SORT1: variants seen among roughly 807,000 people sequenced by gnomAD.
The protein encoded by SORT1 is sortilin.
In SORT1, 39 loss-of-function variants were observed where a neutral mutation model predicts 101.7. That is an observed-to-expected ratio of 0.38 (90% CI 0.30 to 0.50). The LOEUF is 0.50. Ranked by LOEUF, SORT1 falls within the 20% of genes least tolerant of loss-of-function variation. The pLI, the probability that SORT1 is intolerant of heterozygous loss-of-function variation, is 0.90. For missense variants in SORT1, 878 were observed against 1,040.4 expected (o/e 0.84, Z 2.15); for synonymous variants, 396 against 393.7 (o/e 1.01, Z -0.07).
chr1:109,366,796 T>C (rs1173275797), intron 3 of SORT1: 2 of 151,964 alleles, frequency 1.3e-5, no homozygotes, highest in African/African-American at 2.4e-5. Context: ...TGCCAGCCAC[T>C]TGGGAGGCTG....
chr1:109,356,293 T>G (rs1264267008), intron 3 of SORT1, among the ~76,000 whole-genome samples: 5 of 152,140 alleles, frequency 3.3e-5, no homozygotes, highest in Non-Finnish European at 7.4e-5. Flanking sequence ...TAATAAAGAA[T>G]TACCTGGCCC....
intron 11 of SORT1, among the ~76,000 whole-genome samples, chr1:109,329,062 C>T (rs1648275554): frequency 6.6e-6 from 1 of 152,224 alleles, no homozygotes; most frequent in African/African-American, 2.4e-5. Context: ...GACCAAGGCA[C>T]CAGGCCCACC....
At chr1:109,314,524 A>T in intron 18 of SORT1, 140 bp from the exon 19 acceptor site, 1 of 1,196,026 alleles carries the variant, frequency 8.4e-7, no homozygotes, top group Non-Finnish European at 1.2e-6. Flanking sequence ...ACATATGAAA[A>T]ATGTACGACA....
intron 7 of SORT1, among the ~76,000 whole-genome samples, chr1:109,346,744 CAAAA>C (rs1035471524): frequency 6.4e-5 from 3 of 46,732 alleles, no homozygotes; most frequent in East Asian, 7.2e-4. Flanking sequence ...GACTCCGTCT[CAAAA>C]AAAAAAAAAA....
In SORT1 at chr1:109,397,640, C is replaced by T. The variant is rs1197938689; in HGVS notation, c.253G>A (p.Glu85Lys). 7.9e-7 allele frequency: 1 copy of T among 1,264,048 alleles called. No homozygotes were observed. The highest frequency in any genetic ancestry group is 3.3e-5 in the Admixed American group (1 of 29,988). The allele number at this position is 1,264,048 out of a possible 1,614,324, so 78.3% of individuals were successfully genotyped here. A position where few individuals can be genotyped will look rare whatever the true frequency, so the allele number is the denominator to read the frequency against. Residue 85 changes from glutamate to lysine, a missense_variant, in exon 1 of 20, where the codon GAG (glutamate) becomes AAG (lysine). Glu to Lys is a moderately conservative substitution (Grantham distance 56, BLOSUM62 1). Transcript: ENST00000256637. ...ACGAAGTCCCGGACCCGGCCGCACT[C>T]CTCGTCCTCGCCCGGCGCGCTGCGA... ...WRRSAPGEDE[E>K]CGRVRDFVAK...
At chr1:109,374,839 G>A (rs974134849) in intron 1 of SORT1, among the ~76,000 whole-genome samples, 1 of 151,984 alleles carries the variant, frequency 6.6e-6, no homozygotes, top group Admixed American at 6.6e-5. Flanking sequence ...TACACCTGTA[G>A]TCCCAGCTAC....
At chr1:109,322,457 C>G (rs758901405) in intron 15 of SORT1, among the ~76,000 whole-genome samples, 33 of 152,172 alleles carry the variant, frequency 2.2e-4, no homozygotes, top group Non-Finnish European at 4.3e-4. Context: ...TCATTATTAA[C>G]AATTCTGGTT....
intron 1 of SORT1, among the ~76,000 whole-genome samples, chr1:109,393,585 G>C (rs1026850056): frequency 1.3e-5 from 2 of 152,124 alleles, no homozygotes; most frequent in Non-Finnish European, 2.9e-5. Context: ...ATGTACAAAG[G>C]TTATACATGT....
At position 109,314,319 on chromosome 1, in the gene SORT1, T is replaced by A. The variant is rs1658907950; in HGVS notation, c.2423A>T (p.Asp808Val). The A allele has an allele frequency of 1.2e-6, 2 of 1,613,426 alleles. No individual in the cohort carries two copies. Among genetic ancestry groups the A allele is most frequent in the Non-Finnish European group, 1.7e-6 (2 of 1,179,686 alleles). The change falls in exon 19 of 20, where the codon GAT becomes GTT. Residue 808 changes from aspartate (D) to valine (V), a missense_variant. Physicochemically the swap from Asp to Val is radical, Grantham distance 152 (BLOSUM62 -3). Around this residue, in one of 2 missense-constraint regions of SORT1, gnomAD observed 684 missense variants for 894.5 expected, o/e 0.76. Coordinates refer to ENST00000256637, the MANE Select transcript of SORT1 (RefSeq NM_002959.7). ...AGTGTGGGAGGCTGTGTCCAAAGCA[T>A]CCACACCATCCACACCATTGGCCTC... Reference protein sequence around the residue: ...HAEANGVDGVDALDTASHTNK... With the variant: ...HAEANGVDGVVALDTASHTNK...
At chr1:109,349,957 T>C (rs1649853334) in intron 6 of SORT1, among the ~76,000 whole-genome samples, 1 of 152,210 alleles carries the variant, frequency 6.6e-6, no homozygotes, top group African/African-American at 2.4e-5. Context: ...AACACAGTGT[T>C]CCCATTAGAA....
chr1:109,325,368 A>C (rs905369086), intron 13 of SORT1, among the ~76,000 whole-genome samples: 9 of 149,542 alleles, frequency 6.0e-5, no homozygotes, highest in African/African-American at 2.2e-4. Flanking sequence ...CAGCCTCCTG[A>C]GTAGCTGGGA....
chr1:109,391,673 AACATTCATTC>A (rs1652923256), intron 1 of SORT1, among the ~76,000 whole-genome samples: 1 of 152,192 alleles, frequency 6.6e-6, no homozygotes, highest in Non-Finnish European at 1.5e-5. Context: ...ATCTGTCATG[AACATTCATTC>A]AACCAAACTA....
chr1:109,313,910 GCT>G lies in SORT1; in HGVS notation c.*131_*132del. 1.3e-6 allele frequency: 1 copy of G among 750,560 alleles called. No individual in the cohort carries two copies. Among genetic ancestry groups the G allele is most frequent in the East Asian group, 2.7e-5 (1 of 36,370 alleles). The allele number at this position is 750,560 out of a possible 1,614,324, so 46.5% of individuals were successfully genotyped here. On this transcript the variant is annotated 3_prime_UTR_variant, in exon 20 of 20. Coordinates refer to ENST00000256637, the MANE Select transcript of SORT1 (RefSeq NM_002959.7). ...CATTTCTTTAGTGTAGGTCCTTTTG[GCT>G]TTGATGGAAGCAGCAGAAACAGAGC...
intron 1 of SORT1, among the ~76,000 whole-genome samples, chr1:109,372,469 G>A (rs142668121): frequency 9.2e-5 from 14 of 152,168 alleles, no homozygotes; most frequent in African/African-American, 3.4e-4. Context: ...AAAGGATAAG[G>A]CCAGGCCCAC....
At chr1:109,346,470 G>A (rs1289706845) in intron 7 of SORT1, among the ~76,000 whole-genome samples, 9 of 151,858 alleles carry the variant, frequency 5.9e-5, no homozygotes, top group Admixed American at 5.2e-4. Context: ...CAGCAGACGG[G>A]TGCGGTGGCT....
intron 11 of SORT1, among the ~76,000 whole-genome samples, chr1:109,331,932 G>GA (rs1340088899): frequency 3.3e-5 from 3 of 90,844 alleles, no homozygotes; most frequent in Non-Finnish European, 4.6e-5. Flanking sequence ...AATAGTACAA[G>GA]AAAAAAACTT....
chr1:109,380,383 C>T (rs760227705), intron 1 of SORT1, among the ~76,000 whole-genome samples: 3 of 151,858 alleles, frequency 2.0e-5, no homozygotes, highest in Non-Finnish European at 4.4e-5. Flanking sequence ...AGAACTCATA[C>T]TTAAGGATTT....
chr1:109,325,253 T>G (rs986688696), intron 13 of SORT1, among the ~76,000 whole-genome samples, 164 bp from the exon 14 acceptor site: 1 of 148,470 alleles, frequency 6.7e-6, no homozygotes, highest in South Asian at 2.2e-4. Flanking sequence ...TTTTTTTTTT[T>G]TCTGAGATGG....
At chr1:109,368,438 CA>C (rs762069698) in intron 2 of SORT1, 8 of 151,620 alleles carry the variant, frequency 5.3e-5, no homozygotes, top group Admixed American at 1.3e-4. Context: ...AAAAATTAAT[CA>C]AAATAAGAAA....
Sources: allele counts gnomAD v4.1 joint callset (sites outside exome capture counted in the v4.1 genomes callset), GRCh38; gene constraint gnomAD v4.1.1; regional missense constraint gnomAD v4.1.1; transcripts MANE v1.5; gene names NCBI Gene and HGNC (gene_info 2026-07-23, HGNC 2026-07-21).